CXCL13: variants seen among roughly 807,000 people sequenced by gnomAD.
CXCL13 encodes the protein C-X-C motif chemokine 13.
A neutral mutation model predicts 12.2 loss-of-function variants in CXCL13; 7 were observed. The ratio of observed to expected loss-of-function variants is 0.57; its 90% CI spans 0.33 to 1.07. The LOEUF (loss-of-function observed/expected upper bound fraction) is 1.07. Among genes scored for constraint, CXCL13 ranks in the 50% least tolerant of loss-of-function variants. The pLI, the probability that CXCL13 is intolerant of heterozygous loss-of-function variation, is 0.04. For synonymous variants in CXCL13, 47 were observed against 42.4 expected (o/e 1.11, Z -0.42); for missense variants, 113 against 127.4 (o/e 0.89, Z 0.55).
chr4:77,571,741 G>A (rs184866807), intron 1 of CXCL13, among the ~76,000 whole-genome samples: 99 of 151,840 alleles, frequency 6.5e-4, no homozygotes, highest in East Asian at 4.0e-3. Context: ...GTGGCAACCC[G>A]CTCCAGTCCC....
chr4:77,525,534 A>T (rs538393646), intron 1 of CXCL13, among the ~76,000 whole-genome samples: 6 of 152,082 alleles, frequency 3.9e-5, no homozygotes, highest in Non-Finnish European at 8.8e-5. Context: ...ATGAATCTTG[A>T]TTAATACTGT....
chr4:77,529,247 G>A (rs1419779928), intron 1 of CXCL13, among the ~76,000 whole-genome samples: 1 of 152,162 alleles, frequency 6.6e-6, no homozygotes, highest in East Asian at 1.9e-4. Context: ...GCTTAGGATT[G>A]ACTTGGCAAT....
At chr4:77,553,413 C>G (rs750621010) in intron 1 of CXCL13, among the ~76,000 whole-genome samples, 4 of 152,230 alleles carry the variant, frequency 2.6e-5, no homozygotes, top group Non-Finnish European at 5.9e-5. Flanking sequence ...GTGTCCTGCC[C>G]TCAGTTCCAG....
In CXCL13 at chr4:77,537,393, C is replaced by T. The variant is rs887500729; in HGVS notation, c.-43+25605C>T. ...AATATCCCAACCTACCTCTCCATCA[C>T]ACCTCCAGCTTGTTGTCAGAGCTCC... On this transcript the variant is annotated intron_variant, in intron 1 of 4. Coordinates refer to the CXCL13 transcript ENST00000286758. Among the ~76,000 whole-genome samples the T allele has an allele frequency of 2.6e-5, 4 of 152,204 alleles. No individual in the cohort carries two copies. The East Asian group carries it at 7.7e-4, about 29-fold the overall frequency.
intron 1 of CXCL13, among the ~76,000 whole-genome samples, chr4:77,569,259 G>T (rs1247778688): frequency 6.6e-6 from 1 of 152,124 alleles, no homozygotes; most frequent in African/African-American, 2.4e-5. Context: ...TGGAAGTCTT[G>T]GCCAGAGCAA....
At chr4:77,593,859 C>T (rs906748423) in intron 1 of CXCL13, among the ~76,000 whole-genome samples, 1 of 152,138 alleles carries the variant, frequency 6.6e-6, no homozygotes, top group Non-Finnish European at 1.5e-5. Flanking sequence ...ACGAGTGCTA[C>T]CCCAGAGGTG....
chr4:77,589,463 T>C (rs1726555697), intron 1 of CXCL13, among the ~76,000 whole-genome samples: 1 of 152,182 alleles, frequency 6.6e-6, no homozygotes, highest in Admixed American at 6.5e-5. Flanking sequence ...GATGCTGGCA[T>C]ATTGTTATAA....
intron 1 of CXCL13, among the ~76,000 whole-genome samples, chr4:77,586,073 G>C (rs1726449666): frequency 6.6e-6 from 1 of 152,216 alleles, no homozygotes; most frequent in East Asian, 1.9e-4. Flanking sequence ...GTGATGACTT[G>C]TAAAAATTAA....
At chr4:77,587,038 G>A (rs1726490330) in intron 1 of CXCL13, among the ~76,000 whole-genome samples, 1 of 152,194 alleles carries the variant, frequency 6.6e-6, no homozygotes, top group Non-Finnish European at 1.5e-5. Flanking sequence ...GTATGGGGCG[G>A]CTGCTGCTTA....
intron 1 of CXCL13, among the ~76,000 whole-genome samples, chr4:77,534,369 T>C (rs555826025): frequency 2.0e-4 from 31 of 152,318 alleles, no homozygotes; most frequent in Admixed American, 1.9e-3. Flanking sequence ...GATGAATGGC[T>C]AAACAATGGC....
intron 1 of CXCL13, among the ~76,000 whole-genome samples, chr4:77,555,484 TTCAA>T (rs1286481839): frequency 6.6e-6 from 1 of 152,024 alleles, no homozygotes; most frequent in Non-Finnish European, 1.5e-5. Context: ...AAGCATGAAC[TTCAA>T]CTCTTACCTC....
intron 1 of CXCL13, among the ~76,000 whole-genome samples, chr4:77,580,579 C>A: frequency 6.6e-6 from 1 of 151,814 alleles, no homozygotes; most frequent in South Asian, 2.1e-4. Flanking sequence ...CCTCCATCAG[C>A]CCCTCAAAGT....
intron 1 of CXCL13, among the ~76,000 whole-genome samples, chr4:77,546,858 C>T: frequency 6.6e-6 from 1 of 152,264 alleles, no homozygotes; most frequent in South Asian, 2.1e-4. Flanking sequence ...ATCTTTCCTG[C>T]TTTCTCTTAT....
chr4:77,555,205 TAAATTC>T (rs1725633405), intron 1 of CXCL13, among the ~76,000 whole-genome samples: 1 of 151,950 alleles, frequency 6.6e-6, no homozygotes. Flanking sequence ...TATGAGTTAC[TAAATTC>T]AGGAATGAAA....
In CXCL13 at chr4:77,550,365, C is replaced by T. The variant is rs116903061; in HGVS notation, c.-43+38577C>T. Among the ~76,000 whole-genome samples, 674 of 152,270 alleles carry T rather than the reference C, an allele frequency of 4.4e-3. 18 individuals carry two copies. The highest frequency in any genetic ancestry group is 0.027 in the East Asian group (140 of 5,174). ...GGCTGCTCCCACTGTCCAGCCAGTC[C>T]CAATGAGACGAACCCAGTATCCCAG... On this transcript the variant is annotated intron_variant, in intron 1 of 4. Transcript: ENST00000286758.
At chr4:77,584,129 G>A (rs1726398760) in intron 1 of CXCL13, among the ~76,000 whole-genome samples, 1 of 152,124 alleles carries the variant, frequency 6.6e-6, no homozygotes, top group South Asian at 2.1e-4. Context: ...TCAAGTGTAG[G>A]GCCAAAGCAC....
chr4:77,572,032 A>C (rs1245330333), intron 1 of CXCL13, among the ~76,000 whole-genome samples: 2 of 151,808 alleles, frequency 1.3e-5, no homozygotes, highest in Non-Finnish European at 2.9e-5. Flanking sequence ...ACACATCTGA[A>C]CATCAGAAGG....
chr4:77,563,732 G>A (rs1303490556), intron 1 of CXCL13, among the ~76,000 whole-genome samples: 3 of 152,198 alleles, frequency 2.0e-5, no homozygotes, highest in Admixed American at 6.5e-5. Context: ...GGAATATACA[G>A]AAAAACAGAG....
In CXCL13 at chr4:77,544,267, T is replaced by C. The variant is rs150475577; in HGVS notation, c.-43+32479T>C. 1.1e-3 allele frequency among the ~76,000 whole-genome samples: 173 copies of C among 152,300 alleles called. 4 individuals carry two copies. The East Asian group carries it at 0.023, about 20-fold the overall frequency. ...AATCCTTTGGGCATATACCAAGTAA[T>C]GGGATGGCTGGGTCAAATGGTATTT... On this transcript the variant is annotated intron_variant, in intron 1 of 4. Transcript: ENST00000286758.
Sources: allele counts gnomAD v4.1 joint callset (sites outside exome capture counted in the v4.1 genomes callset), GRCh38; gene constraint gnomAD v4.1.1; transcripts MANE v1.5; gene names NCBI Gene and HGNC (gene_info 2026-07-23, HGNC 2026-07-21).